KCNC4: variants seen among roughly 807,000 people sequenced by gnomAD.
The protein encoded by KCNC4 is voltage-gated potassium channel KCNC4.
Under a neutral mutation model 42.8 loss-of-function variants are expected in KCNC4, and 23 were observed. That is an observed-to-expected ratio of 0.54 (90% CI 0.39 to 0.76). KCNC4 has a LOEUF of 0.76. KCNC4 is among the 30% of genes least tolerant of loss of function. The pLI is 0.00. For synonymous variants in KCNC4, 422 were observed against 393.5 expected, an observed-to-expected ratio of 1.07 and a Z score of -0.86; for missense variants, 751 against 898.2, an observed-to-expected ratio of 0.84 and a Z score of 2.10.
chr1:110,266,769 T>C (rs1659546769), intron 1 of KCNC4, among the ~76,000 whole-genome samples: 1 of 152,096 alleles, frequency 6.6e-6, no homozygotes, highest in African/African-American at 2.4e-5. Flanking sequence ...TCCCCTTAAG[T>C]CTTGGCATCT....
downstream of KCNC4, chr1:110,237,013 A>G (rs188545505): frequency 1.1e-4 from 17 of 152,258 alleles, no homozygotes; most frequent in African/African-American, 4.1e-4. Flanking sequence ...CCTTGCTATT[A>G]TAAATTTATT....
Position 110,210,447 on chromosome 1 carries a change from G to C in KCNC4, c.-1053G>C, listed in dbSNP as rs1030137443. Among the ~76,000 whole-genome samples the C allele has an allele frequency of 6.6e-6, 1 of 151,560 alleles. No homozygotes were observed. Among genetic ancestry groups the C allele is most frequent in the East Asian group, 1.9e-4 (1 of 5,168 alleles). On this transcript the variant is annotated 5_prime_UTR_variant, in exon 1 of 4. Coordinates refer to ENST00000438661, the MANE Select transcript of KCNC4 (RefSeq NM_001039574.3). ...CCCTGCCGCGCGCGAGCCAAGGCCG[G>C]CGCCCCGCCCGGAGATGGGCAGACG...
chr1:110,273,339 A>G (rs1659666511), intron 1 of KCNC4, among the ~76,000 whole-genome samples: 1 of 152,212 alleles, frequency 6.6e-6, no homozygotes, highest in African/African-American at 2.4e-5. Context: ...GTTTCTGCTC[A>G]TGGTTTAGTG....
At position 110,233,123 on chromosome 1, in the gene KCNC4, G is replaced by T; in HGVS notation, c.*151G>T. On this transcript the variant is annotated 3_prime_UTR_variant, in exon 4 of 4. Transcript: ENST00000438661. ...TGGAAAATCTCCCATGCGACCCTCG[G>T]GGCCCAGAGCCATCTGGGTCTGATG... 1 of 917,578 alleles carries T rather than the reference G, an allele frequency of 1.1e-6. No homozygotes were observed. 56.8% of individuals were successfully genotyped at this position (917,578 alleles called of 1,614,324 possible).
intron 1 of KCNC4, 43 bp from the exon 2 acceptor site, chr1:110,222,921 C>T: frequency 6.7e-7 from 1 of 1,493,850 alleles, no homozygotes; most frequent in Non-Finnish European, 9.3e-7. Flanking sequence ...GCCCATCCAT[C>T]CCTGTCTGAC....
intron 1 of KCNC4, among the ~76,000 whole-genome samples, chr1:110,262,509 T>C (rs1557873317): frequency 6.6e-6 from 1 of 152,230 alleles, no homozygotes; most frequent in Non-Finnish European, 1.5e-5. Context: ...GCCGCTGCAT[T>C]TGTGAAAGTG....
At chr1:110,273,955 C>T (rs1424049022) in intron 1 of KCNC4, among the ~76,000 whole-genome samples, 1 of 151,996 alleles carries the variant, frequency 6.6e-6, no homozygotes, top group Middle Eastern at 3.2e-3. Flanking sequence ...AGGACTAAAA[C>T]GTTATTAAGA....
chr1:110,275,402 C>CTA (rs1557876271), intron 1 of KCNC4, among the ~76,000 whole-genome samples: 1 of 152,114 alleles, frequency 6.6e-6, no homozygotes, highest in Non-Finnish European at 1.5e-5. Context: ...TGCTTATACA[C>CTA]TATTGGTGGG....
At chr1:110,218,221 G>T (rs1657903336) in intron 1 of KCNC4, among the ~76,000 whole-genome samples, 1 of 152,082 alleles carries the variant, frequency 6.6e-6, no homozygotes, top group African/African-American at 2.4e-5. Flanking sequence ...AATGCTCTAG[G>T]CTTTGTGCTG....
At chr1:110,271,919 A>G (rs1325509887) in intron 1 of KCNC4, among the ~76,000 whole-genome samples, 1 of 152,200 alleles carries the variant, frequency 6.6e-6, no homozygotes, top group African/African-American at 2.4e-5. Context: ...CACTTAGGTT[A>G]TAACACACAC....
intron 1 of KCNC4, among the ~76,000 whole-genome samples, chr1:110,258,792 T>C (rs976551800): frequency 6.6e-6 from 1 of 152,202 alleles, no homozygotes; most frequent in African/African-American, 2.4e-5. Flanking sequence ...TGAGGAGGCA[T>C]GGAGCAGAAG....
chr1:110,212,012 G>A lies in KCNC4; in HGVS notation c.513G>A (p.Ala171=), dbSNP rs754047079. The A allele has an allele frequency of 1.2e-6, 2 of 1,602,930 alleles. No homozygotes were observed. Among genetic ancestry groups the A allele is most frequent in the Non-Finnish European group, 1.7e-6 (2 of 1,176,054 alleles). Residue 171 remains alanine, a synonymous_variant, in exon 1 of 4, where the codon GCG becomes GCA. Coordinates refer to ENST00000438661, the MANE Select transcript of KCNC4 (RefSeq NM_001039574.3). ...FESPDGGGSG[A]GPSDEAGDDE... The stretch of plus-strand genomic sequence containing the variant: ...GCCCGGACGGAGGCGGCAGCGGCGC[G>A]GGGCCCAGCGACGAGGCCGGCGACG...
At chr1:110,283,925 G>A (rs749153503), downstream of KCNC4, among the ~76,000 whole-genome samples, 1 of 152,172 alleles carries the variant, frequency 6.6e-6, no homozygotes, top group East Asian at 1.9e-4. Flanking sequence ...TTCTGCTGAG[G>A]CATCACTAAA....
chr1:110,221,974 T>C (rs1658121057), intron 1 of KCNC4: 1 of 152,230 alleles, frequency 6.6e-6, no homozygotes, highest in East Asian at 1.9e-4. Context: ...CCAGCCGCCG[T>C]TCCTCTGCCG....
At chr1:110,218,626 C>T (rs1043371577) in intron 1 of KCNC4, among the ~76,000 whole-genome samples, 8 of 152,236 alleles carry the variant, frequency 5.3e-5, no homozygotes, top group African/African-American at 7.2e-5. Context: ...TTCCCAAACA[C>T]GGTGTCTTGT....
chr1:110,217,885 AC>A (rs1657884680), intron 1 of KCNC4, among the ~76,000 whole-genome samples: 1 of 151,876 alleles, frequency 6.6e-6, no homozygotes, highest in Non-Finnish European at 1.5e-5. Context: ...CCTGCCTCTT[AC>A]CCCCGGGACT....
chr1:110,226,063 C>T lies in KCNC4; in HGVS notation c.1704C>T (p.Pro568=), dbSNP rs200865430. 29 of 1,614,064 alleles carry T rather than the reference C, an allele frequency of 1.8e-5. No homozygotes were observed. Among genetic ancestry groups the T allele is most frequent in the Admixed American group, 1.0e-4 (6 of 60,020 alleles). Residue 568 remains proline, a synonymous_variant, in exon 3 of 4, where the codon CCC becomes CCT. Transcript: ENST00000438661. ...AACCCCTGGCCTCCTCCCCGACCCC[C>T]GAGGAGCGCCGGGCCCTGCGACGCT... The part of the protein sequence containing the change: ...LTQPLASSPT[P]EERRALRRST...
chr1:110,268,624 AAAAG>A (rs1553218083), intron 1 of KCNC4, among the ~76,000 whole-genome samples: 1 of 147,358 alleles, frequency 6.8e-6, no homozygotes, highest in Non-Finnish European at 1.5e-5. Context: ...AAAAAAAAAA[AAAAG>A]AAAAGAAAAG....
chr1:110,232,932 C>T lies in KCNC4; in HGVS notation c.1841C>T (p.Ser614Leu), dbSNP rs554444279. Residue 614 changes from serine to leucine, a missense_variant, in exon 4 of 4, where the codon TCG becomes TTG. Transcript: ENST00000438661. ...ACAGAGACCTGCCAAGACGCCCTCT[C>T]GTCCAACTATGCCCAGGCTGAAGTC... ...VRKETCQDAL[S>L]SNYAQAEVLT... is the part of the protein sequence containing the mutation. The T allele has an allele frequency of 8.3e-5, 134 of 1,612,134 alleles. 1 individual carries two copies. The highest frequency in any genetic ancestry group is 1.7e-4 in the Middle Eastern group (1 of 6,058).
Sources: allele counts gnomAD v4.1 joint callset (sites outside exome capture counted in the v4.1 genomes callset), GRCh38; gene constraint gnomAD v4.1.1; transcripts MANE v1.5; gene names NCBI Gene and HGNC (gene_info 2026-07-23, HGNC 2026-07-21).